Variants in PRKG1 observed in about 807,000 individuals in gnomAD.
PRKG1 encodes the protein cGMP-dependent protein kinase 1.
A neutral mutation model predicts 88.1 loss-of-function variants in PRKG1; 35 were observed. The observed-to-expected ratio is 0.40, with a 90% CI of 0.30 to 0.53. PRKG1 has a LOEUF of 0.53. Ranked by LOEUF, PRKG1 falls within the 20% of genes least tolerant of loss-of-function variation. The pLI, the probability that PRKG1 is intolerant of heterozygous loss-of-function variation, is 0.59. For synonymous variants in PRKG1, 303 were observed against 292.5 expected (o/e 1.04, Z -0.37); for missense variants, 540 against 839.8 (o/e 0.64, Z 4.41).
intron 2 of PRKG1, among the ~76,000 whole-genome samples, chr10:51,362,397 T>C (rs1419565552): frequency 6.6e-6 from 1 of 151,780 alleles, no homozygotes; most frequent in Non-Finnish European, 1.5e-5. Context: ...AACTTTTATG[T>C]GAGTCTTCTT....
At chr10:52,074,739 A>G (rs1846588631) in intron 7 of PRKG1, among the ~76,000 whole-genome samples, 1 of 152,192 alleles carries the variant, frequency 6.6e-6, no homozygotes. Context: ...AAAGATTTTA[A>G]TTGGCTAGAT....
intron 3 of PRKG1, among the ~76,000 whole-genome samples, chr10:51,499,922 A>G (rs1840973132): frequency 6.6e-6 from 1 of 152,176 alleles, no homozygotes; most frequent in Admixed American, 6.5e-5. Context: ...TCATGCCACT[A>G]CATTCCAGCC....
intron 10 of PRKG1, among the ~76,000 whole-genome samples, chr10:52,261,168 C>A (rs1841423600): frequency 6.6e-6 from 1 of 151,694 alleles, no homozygotes; most frequent in South Asian, 2.1e-4. Context: ...TTCAAAAATA[C>A]CTTTGTCTTT....
chr10:51,140,752 A>G (rs1845800757), intron 1 of PRKG1, among the ~76,000 whole-genome samples: 2 of 152,132 alleles, frequency 1.3e-5, no homozygotes. Context: ...TATTCTGGGA[A>G]ATGACCAAGA....
intron 2 of PRKG1, among the ~76,000 whole-genome samples, chr10:51,175,414 G>T (rs892896112): frequency 6.6e-6 from 1 of 151,788 alleles, no homozygotes; most frequent in Non-Finnish European, 1.5e-5. Flanking sequence ...TACCACTTTT[G>T]ATATACGTTT....
chr10:51,434,768 C>T (rs1838870730), intron 2 of PRKG1, among the ~76,000 whole-genome samples: 1 of 152,092 alleles, frequency 6.6e-6, no homozygotes, highest in South Asian at 2.1e-4. Flanking sequence ...AAACTCTTCA[C>T]AGATTCTAAT....
At chr10:51,341,177 A>G (rs956157370) in intron 2 of PRKG1, among the ~76,000 whole-genome samples, 1 of 152,222 alleles carries the variant, frequency 6.6e-6, no homozygotes, top group Non-Finnish European at 1.5e-5. Context: ...GGTGCCTGAG[A>G]AAGATGTATT....
intron 1 of PRKG1, among the ~76,000 whole-genome samples, chr10:51,095,768 A>G (rs556355894): frequency 5.5e-4 from 84 of 152,178 alleles, no homozygotes; most frequent in Non-Finnish European, 1.0e-3. Context: ...CACCTTCCCA[A>G]TGAGATTTGT....
At chr10:52,061,650 A>G (rs556761020) in intron 6 of PRKG1, among the ~76,000 whole-genome samples, 1 of 152,272 alleles carries the variant, frequency 6.6e-6, no homozygotes, top group South Asian at 2.1e-4. Context: ...ATTTACAACT[A>G]TTTATTGAGT....
At chr10:51,435,417 AT>A (rs200128272) in intron 2 of PRKG1, among the ~76,000 whole-genome samples, 2,499 of 94,920 alleles carry the variant, frequency 0.026, 71 homozygotes, top group African/African-American at 0.11. Flanking sequence ...ACCAAGGGAC[AT>A]TACTGACATA....
chr10:51,362,676 C>T (rs545792230), intron 2 of PRKG1, among the ~76,000 whole-genome samples: 28 of 151,774 alleles, frequency 1.8e-4, no homozygotes, highest in African/African-American at 5.8e-4. Context: ...ATGTACAGAA[C>T]GTGCAGGTTT....
intron 4 of PRKG1, among the ~76,000 whole-genome samples, chr10:51,861,338 T>C: frequency 6.6e-6 from 1 of 152,246 alleles, no homozygotes; most frequent in East Asian, 1.9e-4. Flanking sequence ...ACAGATGTTA[T>C]AAAATTTAAT....
At chr10:52,117,182 G>GTGTGTGTGTA (rs1554806205) in intron 7 of PRKG1, among the ~76,000 whole-genome samples, 6 of 151,154 alleles carry the variant, frequency 4.0e-5, no homozygotes. Flanking sequence ...GTGTGTGTGT[G>GTGTGTGTGTA]TGTGTGTGTG....
rs200470222 is a variant in PRKG1 at position 51,000,743 on chromosome 10, A to AT, written c.266+9110dup. The stretch of plus-strand genomic sequence containing the variant: ...AAGGCTAAGTATTAAGAGTTCATAG[A>AT]TTTTTTTTTTTAAGAATGAGGTGTA... On this transcript the variant is annotated intron_variant, in intron 1 of 17. Transcript: ENST00000401604. Among the ~76,000 whole-genome samples the AT allele has an allele frequency of 3.5e-3, 519 of 149,462 alleles. 5 individuals carry two copies. Among genetic ancestry groups the AT allele is most frequent in the African/African-American group, 0.011 (468 of 40,920 alleles).
At chr10:52,232,322 A>C (rs1840545709) in intron 9 of PRKG1, among the ~76,000 whole-genome samples, 1 of 152,120 alleles carries the variant, frequency 6.6e-6, no homozygotes, top group South Asian at 2.1e-4. Flanking sequence ...AAACAAAAAA[A>C]CAAAAAACAA....
chr10:51,454,903 G>T (rs1207839401), intron 2 of PRKG1, among the ~76,000 whole-genome samples: 1 of 152,146 alleles, frequency 6.6e-6, no homozygotes, highest in African/African-American at 2.4e-5. Context: ...CAAATCTCAG[G>T]TCCTCACATT....
chr10:51,019,897 T>A (rs1397831128), intron 1 of PRKG1, among the ~76,000 whole-genome samples: 3 of 151,972 alleles, frequency 2.0e-5, no homozygotes, highest in Non-Finnish European at 2.9e-5. Flanking sequence ...ATATAAAAAA[T>A]GCTAAACATC....
chr10:51,802,230 C>G (rs1685124497), intron 3 of PRKG1, among the ~76,000 whole-genome samples: 1 of 152,098 alleles, frequency 6.6e-6, no homozygotes, highest in South Asian at 2.1e-4. Flanking sequence ...AAAAAGCTGA[C>G]TTGACTAATA....
intron 9 of PRKG1, among the ~76,000 whole-genome samples, chr10:52,231,938 A>T (rs12359152): frequency 6.6e-6 from 1 of 152,230 alleles, no homozygotes; most frequent in Non-Finnish European, 1.5e-5. Flanking sequence ...TTTAGGGGGA[A>T]AAAAGTTAAC....
Sources: gnomAD v4.1 joint callset for allele counts (sites outside exome capture counted in the v4.1 genomes callset) on GRCh38, gnomAD v4.1.1 for gene constraint, MANE v1.5 for transcripts, NCBI Gene and HGNC (gene_info 2026-07-23, HGNC 2026-07-21) for gene names.